ADAMTS6: variants seen among roughly 807,000 people sequenced by gnomAD.
The protein encoded by ADAMTS6 is ADAM metallopeptidase with thrombospondin type 1 motif 6, also known as A disintegrin and metalloproteinase with thrombospondin motifs 6.
ADAMTS6 carries 23 observed loss-of-function variants against 144.3 expected under a neutral mutation model. The observed-to-expected ratio is 0.16, with a 90% confidence interval of 0.11 to 0.23. The LOEUF (loss-of-function observed/expected upper bound fraction) is 0.23. ADAMTS6 is among the 10% of genes least tolerant of loss of function. The pLI, the probability that ADAMTS6 is intolerant of heterozygous loss-of-function variation, is 1.00. For missense variants in ADAMTS6, 999 were observed against 1,379.6 expected (o/e 0.72, Z 4.37); for synonymous variants, 444 against 457.5 (o/e 0.97, Z 0.38).
intron 14 of ADAMTS6, among the ~76,000 whole-genome samples, chr5:65,255,015 T>C (rs923493554): frequency 2.6e-5 from 4 of 152,200 alleles, no homozygotes; most frequent in African/African-American, 9.7e-5. Context: ...CTAGTAAAGA[T>C]AGAAATTAAA....
chr5:65,258,494 T>C (rs1380303978), intron 14 of ADAMTS6, among the ~76,000 whole-genome samples: 1 of 152,128 alleles, frequency 6.6e-6, no homozygotes. Flanking sequence ...GGGGAGCCAT[T>C]GAGGGGTTTT....
Position 65,460,198 on chromosome 5 carries a change from C to T in ADAMTS6, c.603G>A (p.Leu201=). Residue 201 remains leucine, a synonymous_variant, in exon 4 of 25, where the codon CTG becomes CTA. Transcript: ENST00000381055. ...AAACCCCACAATGAGAGTGATCATACAGATGTCGTTGTTGAAGGGCAGACT... is the reference window on the plus strand; with the variant it reads ...AAACCCCACAATGAGAGTGATCATATAGATGTCGTTGTTGAAGGGCAGACT... The part of the protein sequence containing the change: ...YKKSALQQRH[L]YDHSHCGVSD... The T allele has an allele frequency of 1.2e-6, 2 of 1,614,072 alleles. No homozygotes were observed. Among genetic ancestry groups the T allele is most frequent in the Non-Finnish European group, 1.7e-6 (2 of 1,179,972 alleles).
intron 4 of ADAMTS6, among the ~76,000 whole-genome samples, chr5:65,454,683 G>C (rs1461348434): frequency 6.6e-6 from 1 of 152,168 alleles, no homozygotes; most frequent in Non-Finnish European, 1.5e-5. Flanking sequence ...CATTTGTCTA[G>C]AGTCTCTCCC....
At chr5:65,171,864 G>A (rs1230749177) in intron 23 of ADAMTS6, among the ~76,000 whole-genome samples, 1 of 152,138 alleles carries the variant, frequency 6.6e-6, no homozygotes, top group East Asian at 1.9e-4. Context: ...GTTACTGTCC[G>A]AGAGGCTTAG....
At chr5:65,462,000 T>A (rs1350618221) in intron 3 of ADAMTS6, among the ~76,000 whole-genome samples, 1 of 152,132 alleles carries the variant, frequency 6.6e-6, no homozygotes, top group Admixed American at 6.5e-5. Context: ...GTCACCTACA[T>A]GAAATGAGCT....
rs750637450 is a variant in ADAMTS6, at chr5:65,333,997, TAAAAAAAA to T, written c.1117+37_1117+44del. On this transcript the variant is annotated intron_variant, in intron 8 of 24. Transcript: ENST00000381055. ...ACAATCAGAACCATTCTACCTTTATTAAAAAAAAAAAAAAAAAAAAAAAAAAAAACCAA... is the reference window on the plus strand; with the variant it reads ...ACAATCAGAACCATTCTACCTTTATTAAAAAAAAAAAAAAAAAAAAACCAA... The T allele has an allele frequency of 4.8e-3, 4,025 of 841,658 alleles. 6 individuals carry two copies. Among genetic ancestry groups the T allele is most frequent in the Middle Eastern group, 5.4e-3 (13 of 2,420 alleles). 52.1% of individuals were successfully genotyped at this position (841,658 alleles called of 1,614,324 possible). A position where few individuals can be genotyped will look rare whatever the true frequency, so the allele number is the denominator to read the frequency against.
At chr5:65,285,170 ATGTTATTTTC>A (rs1763269895) in intron 11 of ADAMTS6, among the ~76,000 whole-genome samples, 1 of 152,134 alleles carries the variant, frequency 6.6e-6, no homozygotes, top group South Asian at 2.1e-4. Context: ...CTTAGACATT[ATGTTATTTTC>A]TGGCATCTTG....
intron 7 of ADAMTS6, among the ~76,000 whole-genome samples, chr5:65,357,672 T>C (rs563675144): frequency 4.6e-5 from 7 of 151,736 alleles, no homozygotes; most frequent in African/African-American, 1.2e-4. Flanking sequence ...AATTGAACCA[T>C]AGAACTATAA....
intron 7 of ADAMTS6, among the ~76,000 whole-genome samples, chr5:65,443,925 A>T (rs1758068021): frequency 6.6e-6 from 1 of 152,130 alleles, no homozygotes; most frequent in East Asian, 1.9e-4. Context: ...CAAAACAAGG[A>T]TCTCTGCTCT....
At chr5:65,179,464 G>C (rs1183930934) in intron 22 of ADAMTS6, among the ~76,000 whole-genome samples, 1 of 152,102 alleles carries the variant, frequency 6.6e-6, no homozygotes, top group Non-Finnish European at 1.5e-5. Context: ...AAAAGAAAAA[G>C]GGGTGCCCAA....
chr5:65,168,957 T>C (rs1579944370), intron 24 of ADAMTS6, among the ~76,000 whole-genome samples: 1 of 144,634 alleles, frequency 6.9e-6, no homozygotes, highest in African/African-American at 2.6e-5. Flanking sequence ...GGCGTTACCA[T>C]TCAGGACATA....
intron 7 of ADAMTS6, among the ~76,000 whole-genome samples, chr5:65,443,797 C>A (rs1454719938): frequency 1.3e-5 from 2 of 150,006 alleles, no homozygotes; most frequent in African/African-American, 4.9e-5. Flanking sequence ...AAACTCTCAG[C>A]AAACTATGAA....
intron 7 of ADAMTS6, among the ~76,000 whole-genome samples, chr5:65,378,636 C>T (rs1751767010): frequency 6.6e-6 from 1 of 152,168 alleles, no homozygotes; most frequent in African/African-American, 2.4e-5. Flanking sequence ...GAAGCAACAT[C>T]CAAAGCTAAC....
intron 7 of ADAMTS6, among the ~76,000 whole-genome samples, chr5:65,339,158 C>T (rs1747586787): frequency 6.6e-6 from 1 of 152,166 alleles, no homozygotes. Flanking sequence ...TGAGAAATAG[C>T]CCAGCAAGCC....
intron 7 of ADAMTS6, among the ~76,000 whole-genome samples, chr5:65,410,390 C>G (rs981629926): frequency 1.3e-5 from 2 of 152,222 alleles, no homozygotes; most frequent in South Asian, 4.1e-4. Context: ...AGTTAGCATT[C>G]TTTCTTTAAT....
chr5:65,467,045 A>C (rs2150277144), intron 3 of ADAMTS6, among the ~76,000 whole-genome samples: 1 of 152,184 alleles, frequency 6.6e-6, no homozygotes, highest in South Asian at 2.1e-4. Flanking sequence ...GTCTCAAAAA[A>C]AAAAAAAGGA....
chr5:65,203,688 C>T (rs745380843), intron 20 of ADAMTS6, among the ~76,000 whole-genome samples: 3 of 152,024 alleles, frequency 2.0e-5, no homozygotes, highest in African/African-American at 4.8e-5. Context: ...TTTTCTTCAA[C>T]TAAAGATGGA....
chr5:65,239,802 C>G (rs1341737742), intron 15 of ADAMTS6, among the ~76,000 whole-genome samples: 1 of 152,118 alleles, frequency 6.6e-6, no homozygotes, highest in Non-Finnish European at 1.5e-5. Context: ...ACGGAAATTT[C>G]ACTGAAATAC....
intron 21 of ADAMTS6, among the ~76,000 whole-genome samples, chr5:65,196,448 T>G (rs534226014): frequency 1.3e-3 from 177 of 133,910 alleles, no homozygotes; most frequent in African/African-American, 3.5e-3. Flanking sequence ...GCATGAACCC[T>G]GGAGGCAGAG....
Sources: gnomAD v4.1 joint callset for allele counts (sites outside exome capture counted in the v4.1 genomes callset) on GRCh38, gnomAD v4.1.1 for gene constraint, MANE v1.5 for transcripts, NCBI Gene and HGNC (gene_info 2026-07-23, HGNC 2026-07-21) for gene names.